The following CELF2 variants were observed in gnomAD, a reference collection of about 807,000 sequenced individuals.
CELF2 encodes CUG triplet repeat RNA-binding protein 2.
CELF2 carries 8 observed loss-of-function variants against 62.6 expected under a neutral mutation model. That is an observed-to-expected ratio of 0.13 (90% CI 0.07 to 0.23). CELF2 has a LOEUF of 0.23. Among genes scored for constraint, CELF2 ranks in the 10% least tolerant of loss-of-function variants. The pLI, the probability that CELF2 is intolerant of heterozygous loss-of-function variation, is 1.00. For synonymous variants in CELF2, 258 were observed against 250.0 expected (o/e 1.03, Z -0.30); for missense variants, 333 against 671.0 (o/e 0.50, Z 5.56).
intron 1 of CELF2, among the ~76,000 whole-genome samples, chr10:10,896,492 T>C (rs540775324): frequency 6.6e-6 from 1 of 151,824 alleles, no homozygotes; most frequent in South Asian, 2.1e-4. Flanking sequence ...GAGATATAAA[T>C]AGTTAAGATG....
the CELF2 span, among the ~76,000 whole-genome samples, chr10:10,473,276 T>A: frequency 6.6e-6 from 1 of 151,744 alleles, no homozygotes; most frequent in South Asian, 2.1e-4. Context: ...GAGACCAGAG[T>A]TACATGCCAC....
the CELF2 span, among the ~76,000 whole-genome samples, chr10:10,490,083 G>A: frequency 3.0e-5 from 4 of 133,106 alleles, no homozygotes; most frequent in African/African-American, 7.5e-5. Context: ...TCTCTGGAAT[G>A]TCATGGGGGA....
At chr10:11,310,956 G>A (rs1373003860) in intron 9 of CELF2, among the ~76,000 whole-genome samples, 2 of 152,198 alleles carry the variant, frequency 1.3e-5, no homozygotes, top group Non-Finnish European at 1.5e-5. Context: ...TATTGAAGGT[G>A]GCTTTCCCCT....
intron 1 of CELF2, among the ~76,000 whole-genome samples, chr10:10,824,856 C>G (rs1373055055): frequency 6.6e-6 from 1 of 152,162 alleles, no homozygotes; most frequent in Non-Finnish European, 1.5e-5. Flanking sequence ...CAGCACTCAT[C>G]GACACCTCTT....
chr10:10,495,154 G>A, the CELF2 span, among the ~76,000 whole-genome samples: 7 of 152,100 alleles, frequency 4.6e-5, no homozygotes, highest in African/African-American at 9.7e-5. Flanking sequence ...GGTGGCGGGC[G>A]CCTGTAGTCC....
intron 2 of CELF2, among the ~76,000 whole-genome samples, chr10:11,181,951 C>T (rs2073537835): frequency 6.6e-6 from 1 of 152,200 alleles, no homozygotes; most frequent in African/African-American, 2.4e-5. Context: ...TTTGAATCAG[C>T]TGATGGGCAC....
chr10:11,025,239 G>GTGTGTGTATATATATATATATATA (rs61580670), intron 1 of CELF2, among the ~76,000 whole-genome samples: 7 of 140,998 alleles, frequency 5.0e-5, no homozygotes, highest in East Asian at 2.1e-4. Context: ...GTGTGTGTGT[G>GTGTGTGTATATATATATATATATA]TATATGTATG....
intron 2 of CELF2, among the ~76,000 whole-genome samples, chr10:11,209,707 C>T (rs922324478): frequency 2.6e-5 from 4 of 151,120 alleles, no homozygotes; most frequent in African/African-American, 9.7e-5. Context: ...AAGCCAGTGA[C>T]TGAGAGTTGA....
Position 11,329,188 on chromosome 10 carries a change from T to G in CELF2, c.*135T>G. On this transcript the variant is annotated 3_prime_UTR_variant, in exon 13 of 13. Transcript: ENST00000633077. The surrounding 1 kb of genome is among the most constrained non-coding windows in gnomAD (Gnocchi z 5.5). ...CCAAGAGAGACGGTTATTTTTACAATAAGGCCTCCATGTCCCCACCCACTT... is the reference window on the plus strand; with the variant it reads ...CCAAGAGAGACGGTTATTTTTACAAGAAGGCCTCCATGTCCCCACCCACTT... The G allele has an allele frequency of 1.1e-6, 1 of 915,310 alleles. No homozygotes were observed. The allele number at this position is 915,310 out of a possible 1,614,324, so 56.7% of individuals were successfully genotyped here. A position where few individuals can be genotyped will look rare whatever the true frequency, so the allele number is the denominator to read the frequency against.
chr10:10,941,083 A>C (rs2046997739), intron 2 of CELF2, among the ~76,000 whole-genome samples: 1 of 152,258 alleles, frequency 6.6e-6, no homozygotes, highest in Non-Finnish European at 1.5e-5. Flanking sequence ...GGGGGCTCAC[A>C]GAAAAGCAGC....
At chr10:10,818,185 C>T (rs1201614298) in intron 1 of CELF2, among the ~76,000 whole-genome samples, 1 of 152,138 alleles carries the variant, frequency 6.6e-6, no homozygotes, top group Non-Finnish European at 1.5e-5. Context: ...GTACTATATG[C>T]CACTGGTTTT....
Position 11,159,383 on chromosome 10 carries a change from C to G in CELF2, c.75-6103C>G, listed in dbSNP as rs117270900. Among the ~76,000 whole-genome samples, 1 of 152,194 alleles carries G rather than the reference C, an allele frequency of 6.6e-6. No homozygotes were observed. The highest frequency in any genetic ancestry group is 1.5e-5 in the Non-Finnish European group (1 of 68,032). ...CCGAAAGGCAGTCATGGAAGACAGA[C>G]GCGTTTTTCATGATGACTGTGAAGC... On this transcript the variant is annotated intron_variant, in intron 1 of 12. Coordinates refer to ENST00000633077, the MANE Select transcript of CELF2 (RefSeq NM_001326342.2). This position sits in a 1 kb window ranked among gnomAD's most constrained non-coding sequence, Gnocchi z 5.0.
chr10:10,902,654 GTTGA>G (rs1045445763), intron 1 of CELF2, among the ~76,000 whole-genome samples: 8 of 152,052 alleles, frequency 5.3e-5, no homozygotes, highest in African/African-American at 1.9e-4. Context: ...GAGTTGTTAG[GTTGA>G]TTTATTATTT....
chr10:11,263,564 C>T (rs1011904176), intron 5 of CELF2, among the ~76,000 whole-genome samples: 52 of 152,166 alleles, frequency 3.4e-4, no homozygotes, highest in African/African-American at 1.2e-3. Context: ...AGCAGTTGTC[C>T]TGTAAAGACC....
At chr10:10,910,699 C>CAAAAAAAAAAAAAAAAAAA (rs55954207) in intron 1 of CELF2, among the ~76,000 whole-genome samples, 12 of 92,214 alleles carry the variant, frequency 1.3e-4, no homozygotes, top group Non-Finnish European at 1.5e-4. Context: ...GACTCTGCCT[C>CAAAAAAAAAAAAAAAAAAA]AAAAAAAAAA....
chr10:11,248,018 C>T (rs1227599287), intron 3 of CELF2, among the ~76,000 whole-genome samples: 1 of 152,170 alleles, frequency 6.6e-6, no homozygotes. Context: ...GTGCCATTTC[C>T]CTTTCATTGA....
At chr10:10,860,956 A>G (rs1345450854) in intron 1 of CELF2, among the ~76,000 whole-genome samples, 1 of 152,162 alleles carries the variant, frequency 6.6e-6, no homozygotes, top group Non-Finnish European at 1.5e-5. Context: ...TAATCTCACT[A>G]TGTTACCCAG....
chr10:11,276,550 G>C (rs764853881), intron 8 of CELF2, among the ~76,000 whole-genome samples: 1 of 152,192 alleles, frequency 6.6e-6, no homozygotes, highest in African/African-American at 2.4e-5. Context: ...TTTTAAAAGA[G>C]AAAACCTCCT....
At chr10:11,236,210 C>G (rs757973844) in intron 3 of CELF2, among the ~76,000 whole-genome samples, 3 of 152,118 alleles carry the variant, frequency 2.0e-5, no homozygotes, top group African/African-American at 7.2e-5. Flanking sequence ...ATGAAATGCC[C>G]GTATCCTGTC....
Sources: allele counts gnomAD v4.1 joint callset (sites outside exome capture counted in the v4.1 genomes callset), GRCh38; gene constraint gnomAD v4.1.1; non-coding constraint Gnocchi (gnomAD v3.1); transcripts MANE v1.5; gene names NCBI Gene and HGNC (gene_info 2026-07-23, HGNC 2026-07-21).